The following P2RY14 variants were observed in gnomAD, a reference collection of about 807,000 sequenced individuals.
P2RY14 encodes purinergic receptor P2Y14, also known as P2Y purinoceptor 14.
Under a neutral mutation model 0.9 loss-of-function variants are expected in P2RY14, and 2 were observed. That is an observed-to-expected ratio of 2.16 (90% CI 0.88 to 6.79). The LOEUF (loss-of-function observed/expected upper bound fraction) is 6.79, where lower values mean the gene tolerates loss of function less well. P2RY14 is among the 30% of genes most tolerant of loss of function. The pLI is 0.05. For synonymous variants in P2RY14, 158 were observed against 147.2 expected (o/e 1.07, Z -0.53); for missense variants, 378 against 400.1 (o/e 0.94, Z 0.47).
chr3:151,243,145 G>A (rs1437272986), intron 1 of P2RY14, among the ~76,000 whole-genome samples: 2 of 152,084 alleles, frequency 1.3e-5, no homozygotes, highest in Non-Finnish European at 2.9e-5. Flanking sequence ...TCTGCTTGGT[G>A]TACCTGAAAG....
intron 1 of P2RY14, among the ~76,000 whole-genome samples, chr3:151,252,186 C>G (rs926303172): frequency 3.3e-5 from 5 of 152,114 alleles, no homozygotes; most frequent in Non-Finnish European, 7.4e-5. Context: ...TCCATTCATT[C>G]ATCTTTCTAT....
rs1559891213 is a variant in P2RY14, at chr3:151,217,793, A to T, written c.-25+1742T>A. On this transcript the variant is annotated intron_variant, in intron 2 of 2. Coordinates refer to ENST00000309170, the MANE Select transcript of P2RY14 (RefSeq NM_014879.4). ...AACTCTTAAATATTGATTTTTTTTT[A>T]AAAGCAGTGGGGTTAATGGTGAGAA... is the stretch of plus-strand genomic sequence containing the variant. Among the ~76,000 whole-genome samples, 4 of 151,968 alleles carry T rather than the reference A, an allele frequency of 2.6e-5. No homozygotes were observed. In the South Asian group the frequency reaches 6.2e-4, roughly 24 times the overall value.
chr3:151,232,672 A>G (rs1023253238), intron 1 of P2RY14, among the ~76,000 whole-genome samples: 3 of 152,212 alleles, frequency 2.0e-5, no homozygotes, highest in Non-Finnish European at 4.4e-5. Flanking sequence ...TATCCTTAGT[A>G]AACTAACAAA....
At chr3:151,216,662 C>G (rs527924070) in intron 2 of P2RY14, among the ~76,000 whole-genome samples, 1 of 152,210 alleles carries the variant, frequency 6.6e-6, no homozygotes, top group Non-Finnish European at 1.5e-5. Flanking sequence ...TAGCACTATT[C>G]TTCCTCTTCC....
At chr3:151,253,367 A>G (rs116332184) in intron 1 of P2RY14, among the ~76,000 whole-genome samples, 1,636 of 152,300 alleles carry the variant, frequency 0.011, 35 homozygotes, top group African/African-American at 0.038. Context: ...GAGTGGAGCA[A>G]CAGCAGCATA....
intron 1 of P2RY14, among the ~76,000 whole-genome samples, chr3:151,236,755 A>G (rs764408458): frequency 6.6e-6 from 1 of 152,240 alleles, no homozygotes; most frequent in Admixed American, 6.5e-5. Flanking sequence ...TGACATAAAT[A>G]TATAAAATTT....
chr3:151,268,083 G>A (rs1044257617), intron 1 of P2RY14, among the ~76,000 whole-genome samples: 1 of 152,130 alleles, frequency 6.6e-6, no homozygotes, highest in African/African-American at 2.4e-5. Flanking sequence ...TGCATCGGTG[G>A]TAGTCTTTAA....
In P2RY14 at chr3:151,257,466, G is replaced by A. The variant is rs78586780; in HGVS notation, c.-133+20821C>T. ...TTACACATTAGCTTTGTGTCATGGG[G>A]CACATTACTTAACCTCTCTGTGCTT... On this transcript the variant is annotated intron_variant, in intron 1 of 2. Coordinates refer to ENST00000309170, the MANE Select transcript of P2RY14 (RefSeq NM_014879.4). 9.5e-4 allele frequency among the ~76,000 whole-genome samples: 145 copies of A among 152,322 alleles called. 1 individual carries two copies. Among genetic ancestry groups the A allele is most frequent in the African/African-American group, 3.4e-3 (140 of 41,578 alleles).
chr3:151,242,613 C>T (rs1350233163), intron 1 of P2RY14, among the ~76,000 whole-genome samples: 1 of 152,214 alleles, frequency 6.6e-6, no homozygotes, highest in African/African-American at 2.4e-5. Context: ...AAAAACCCAT[C>T]TGTACATCAC....
At chr3:151,244,946 G>A (rs1312111190) in intron 1 of P2RY14, among the ~76,000 whole-genome samples, 3 of 152,160 alleles carry the variant, frequency 2.0e-5, no homozygotes, top group Non-Finnish European at 4.4e-5. Context: ...TATCACCACT[G>A]ATCCCACAGA....
chr3:151,269,795 G>A (rs978579394), intron 1 of P2RY14: 5 of 419,636 alleles, frequency 1.2e-5, no homozygotes, highest in African/African-American at 4.2e-5. Context: ...GAAGTCAAAT[G>A]CAAATCTGGA....
At chr3:151,218,739 C>T (rs1485274873) in intron 2 of P2RY14, among the ~76,000 whole-genome samples, 2 of 151,468 alleles carry the variant, frequency 1.3e-5, no homozygotes, top group African/African-American at 4.9e-5. Context: ...TGGTGGCATA[C>T]ACCTGTAATC....
chr3:151,266,708 T>C (rs1162349916), intron 1 of P2RY14, among the ~76,000 whole-genome samples: 1 of 152,130 alleles, frequency 6.6e-6, no homozygotes, highest in Non-Finnish European at 1.5e-5. Context: ...GAGGAAAGCT[T>C]TGGGACTTGG....
chr3:151,217,962 C>T (rs1051833883), intron 2 of P2RY14, among the ~76,000 whole-genome samples: 12 of 151,956 alleles, frequency 7.9e-5, no homozygotes, highest in Non-Finnish European at 1.5e-4. Context: ...GACCAAAAGG[C>T]AGGAATATGT....
intron 1 of P2RY14, among the ~76,000 whole-genome samples, chr3:151,253,655 G>T (rs532260275): frequency 6.6e-6 from 1 of 151,884 alleles, no homozygotes; most frequent in South Asian, 2.1e-4. Context: ...TTCTTTTTTT[G>T]TGAGGGGGTG....
In P2RY14 at chr3:151,213,695, C is replaced by G. The variant is rs1299683716; in HGVS notation, c.622G>C (p.Ala208Pro). The G allele has an allele frequency of 6.2e-7, 1 of 1,614,052 alleles. No individual in the cohort carries two copies. ...GACTTAAAGATTTTCTTTGTGATAG[C>G]AGTATAGAAAACGATTAACAAAAGA... The part of the protein sequence containing the change: ...VFLLLIVFYT[A>P]ITKKIFKSHL... The change falls in exon 3 of 3, where the codon GCT (alanine) becomes CCT (proline). Residue 208 changes from alanine (A) to proline (P), a missense_variant. Coordinates refer to ENST00000309170, the MANE Select transcript of P2RY14 (RefSeq NM_014879.4).
At chr3:151,238,490 T>A (rs1024954631) in intron 1 of P2RY14, among the ~76,000 whole-genome samples, 6 of 152,140 alleles carry the variant, frequency 3.9e-5, no homozygotes, top group Admixed American at 2.6e-4. Context: ...ACCACAGGGG[T>A]TCCTGACACC....
At chr3:151,239,385 G>A (rs1466302156) in intron 1 of P2RY14, among the ~76,000 whole-genome samples, 1 of 152,202 alleles carries the variant, frequency 6.6e-6, no homozygotes, top group Admixed American at 6.5e-5. Context: ...TTATTTATCT[G>A]TATGGGATTG....
chr3:151,256,368 T>C (rs187463608), intron 1 of P2RY14, among the ~76,000 whole-genome samples: 1 of 152,296 alleles, frequency 6.6e-6, no homozygotes, highest in East Asian at 1.9e-4. Context: ...GGAGATATTC[T>C]CATCTGTGCT....
Sources: gnomAD v4.1 joint callset for allele counts (sites outside exome capture counted in the v4.1 genomes callset) on GRCh38, gnomAD v4.1.1 for gene constraint, MANE v1.5 for transcripts, NCBI Gene and HGNC (gene_info 2026-07-23, HGNC 2026-07-21) for gene names.